Variants in CLIP2 observed in about 807,000 individuals in gnomAD.
CLIP2 encodes the protein CAP-Gly domain containing linker protein 2.
A neutral mutation model predicts 111.7 loss-of-function variants in CLIP2; 41 were observed. That is an observed-to-expected ratio of 0.37 (90% confidence interval 0.29 to 0.48). The LOEUF (loss-of-function observed/expected upper bound fraction) is 0.48, where lower values mean the gene tolerates loss of function less well. Ranked by LOEUF, CLIP2 falls within the 20% of genes least tolerant of loss-of-function variation. CLIP2 has a pLI of 0.99. For missense variants in CLIP2, 1,160 were observed against 1,422.1 expected (o/e 0.82, Z 2.96); for synonymous variants, 660 against 644.2 (o/e 1.02, Z -0.37).
At chr7:74,367,161 A>G (rs1172839387) in intron 8 of CLIP2, among the ~76,000 whole-genome samples, 1 of 152,076 alleles carries the variant, frequency 6.6e-6, no homozygotes, top group Non-Finnish European at 1.5e-5. Context: ...ATTCCAAAGA[A>G]GGTCACATTT....
intron 1 of CLIP2, among the ~76,000 whole-genome samples, chr7:74,303,137 G>T (rs1281230418): frequency 6.6e-6 from 1 of 152,198 alleles, no homozygotes; most frequent in Non-Finnish European, 1.5e-5. Context: ...CTCAGAGCCG[G>T]CAAGACTCAC....
chr7:74,312,102 C>G (rs1296235409), intron 1 of CLIP2, among the ~76,000 whole-genome samples: 1 of 151,872 alleles, frequency 6.6e-6, no homozygotes, highest in Non-Finnish European at 1.5e-5. Flanking sequence ...AAAAATTAGC[C>G]AATGTGGTGG....
chr7:74,355,321 G>A (rs1420090321), intron 4 of CLIP2, among the ~76,000 whole-genome samples: 2 of 152,038 alleles, frequency 1.3e-5, no homozygotes, highest in African/African-American at 2.4e-5. Flanking sequence ...ATCAGAAGCT[G>A]GATGGGGGCC....
rs386410474 is a variant in CLIP2, at chr7:74,332,460, C to CTTTTTT, written c.122-5973_122-5968dup. ...ATGCCTCACTGCAGCCTAGAATTCT[C>CTTTTTT]TTTTTTTTTTTTTTTTTTTTAGAGA... On this transcript the variant is annotated intron_variant, in intron 2 of 16. Transcript: ENST00000223398. Among the ~76,000 whole-genome samples the CTTTTTT allele has an allele frequency of 8.0e-3, 877 of 110,306 alleles. 43 individuals are homozygous for CTTTTTT. The highest frequency in any genetic ancestry group is 9.9e-3 in the South Asian group (32 of 3,242). The allele number at this position is 110,306 out of a possible 152,430, so 72.4% of individuals were successfully genotyped here.
intron 2 of CLIP2, among the ~76,000 whole-genome samples, chr7:74,329,390 G>A (rs1449272337): frequency 5.9e-5 from 9 of 151,974 alleles, no homozygotes; most frequent in Non-Finnish European, 1.2e-4. Flanking sequence ...AGAAGCACCC[G>A]GGTTTGAATG....
chr7:74,401,593 G>T lies in CLIP2; in HGVS notation c.3129+26G>T, dbSNP rs191004270. 6.4e-5 allele frequency: 103 copies of T among 1,609,140 alleles called. No homozygotes were observed. In the East Asian group the frequency reaches 2.2e-3, roughly 35 times the overall value. ...GTGAGGGGCGCCTCGGGCCTCCCAG[G>T]TCCCTCCCGTGCAGGCAGACCTCTC... is the stretch of plus-strand genomic sequence containing the variant. On this transcript the variant is annotated intron_variant, in intron 16 of 16. Transcript: ENST00000223398.
chr7:74,369,750 G>A (rs576056365), intron 8 of CLIP2, among the ~76,000 whole-genome samples: 96 of 113,282 alleles, frequency 8.5e-4, no homozygotes, highest in African/African-American at 2.9e-3. Flanking sequence ...CCAGCTACTC[G>A]GAAGGCTGAG....
intron 3 of CLIP2, among the ~76,000 whole-genome samples, chr7:74,351,251 C>T (rs529866178): frequency 2.0e-5 from 3 of 151,394 alleles, no homozygotes; most frequent in African/African-American, 2.4e-5. Context: ...TGCTTGAGCC[C>T]GGAAGTTTGA....
At chr7:74,380,655 C>T (rs1412932979) in intron 10 of CLIP2, 151 bp from the exon 11 acceptor site, 4 of 612,690 alleles carry the variant, frequency 6.5e-6, no homozygotes, top group African/African-American at 3.7e-5. Flanking sequence ...CGTCTGCACT[C>T]CCTGCCACCG....
At chr7:74,300,664 G>A (rs1788312059) in intron 1 of CLIP2, among the ~76,000 whole-genome samples, 1 of 151,896 alleles carries the variant, frequency 6.6e-6, no homozygotes, top group African/African-American at 2.4e-5. Flanking sequence ...CACCGTGTTA[G>A]CCAGGCTGGT....
chr7:74,347,980 G>A (rs1554306725), intron 3 of CLIP2, among the ~76,000 whole-genome samples: 1 of 151,934 alleles, frequency 6.6e-6, no homozygotes, highest in Non-Finnish European at 1.5e-5. Context: ...AGGAGTTCCA[G>A]ACCAGCCTGG....
chr7:74,327,503 C>T (rs1234556073), intron 2 of CLIP2, among the ~76,000 whole-genome samples: 1 of 152,174 alleles, frequency 6.6e-6, no homozygotes, highest in African/African-American at 2.4e-5. Context: ...GCCCCCACCC[C>T]CACAGAGGAT....
intron 1 of CLIP2, among the ~76,000 whole-genome samples, chr7:74,310,969 G>C (rs1005294074): frequency 1.4e-5 from 2 of 143,064 alleles, no homozygotes; most frequent in Admixed American, 1.5e-4. Context: ...CCTGCCTCGA[G>C]CTCCTATTTT....
Position 74,360,074 on chromosome 7 carries a change from G to GT in CLIP2, c.1216-99dup, listed in dbSNP as rs1790282283. The GT allele has an allele frequency of 3.2e-6, 3 of 943,040 alleles. No individual in the cohort carries two copies. The African/African-American group carries it at 4.9e-5, about 15-fold the overall frequency. 58.4% of individuals were successfully genotyped at this position (943,040 alleles called of 1,614,324 possible). A position where few individuals can be genotyped will look rare whatever the true frequency, so the allele number is the denominator to read the frequency against. On this transcript the variant is annotated intron_variant, in intron 6 of 16. Transcript: ENST00000223398. ...CAGCAGGGAAGTTGGGGTGACTGGGGTTCCAGGCCCTGCTCCTTGCCTGTC... is the reference window on the plus strand; with the variant it reads ...CAGCAGGGAAGTTGGGGTGACTGGGGTTTCCAGGCCCTGCTCCTTGCCTGTC...
chr7:74,357,665 C>T (rs1373392605), intron 6 of CLIP2, among the ~76,000 whole-genome samples, 188 bp downstream of exon 6: 1 of 152,056 alleles, frequency 6.6e-6, no homozygotes, highest in Non-Finnish European at 1.5e-5. Context: ...TCTTTTCTGC[C>T]TATGTATAAG....
intron 11 of CLIP2, among the ~76,000 whole-genome samples, chr7:74,383,624 A>G (rs1791004633): frequency 6.6e-6 from 1 of 152,196 alleles, no homozygotes; most frequent in African/African-American, 2.4e-5. Context: ...AAACACTTCA[A>G]TGGCATTTAG....
intron 9 of CLIP2, 62 bp from the exon 10 acceptor site, chr7:74,375,825 C>A: frequency 7.2e-7 from 1 of 1,387,018 alleles, no homozygotes; most frequent in Non-Finnish European, 9.6e-7. Flanking sequence ...CACCATTGTG[C>A]CCTCCTTACC....
Position 74,404,952 on chromosome 7 carries a change from C to T in CLIP2, c.*1104C>T, listed in dbSNP as rs1791730685. On this transcript the variant is annotated 3_prime_UTR_variant, in exon 17 of 17. Transcript: ENST00000223398. ...CCTACAGATACTGCAAACGTTCCTACAGCCTAGAGGTGCGTATACACACCC... is the reference window on the plus strand; with the variant it reads ...CCTACAGATACTGCAAACGTTCCTATAGCCTAGAGGTGCGTATACACACCC... The T allele has an allele frequency of 6.6e-6, 1 of 152,148 alleles. No homozygotes were observed. The highest frequency in any genetic ancestry group is 2.4e-5 in the African/African-American group (1 of 41,418). The allele number at this position is 152,148 out of a possible 1,614,324, so 9.4% of individuals were successfully genotyped here.
Position 74,375,945 on chromosome 7 carries a change from G to T in CLIP2, c.1544G>T (p.Arg515Leu), listed in dbSNP as rs1161514384. The change falls in exon 10 of 17, where the codon CGC (arginine) becomes CTC (leucine). Residue 515 changes from arginine to leucine, a missense_variant. By Grantham distance (102) the Arg-to-Leu change is moderately radical (BLOSUM62 -2). Coordinates refer to ENST00000223398, the MANE Select transcript of CLIP2 (RefSeq NM_003388.5). ...CAGCTGGAGGAGGAGCTCACCCTGC[G>T]CCGAGGTGAAATCGAGGAGCTCCAG... ...VLQLEEELTL[R>L]RGEIEELQQC... is the part of the protein sequence containing the mutation. 1 of 1,602,192 alleles carries T rather than the reference G, an allele frequency of 6.2e-7. No homozygotes were observed. The highest frequency in any genetic ancestry group is 1.7e-5 in the Admixed American group (1 of 58,190).
Sources: allele counts gnomAD v4.1 joint callset (sites outside exome capture counted in the v4.1 genomes callset), GRCh38; gene constraint gnomAD v4.1.1; transcripts MANE v1.5; gene names NCBI Gene and HGNC (gene_info 2026-07-23, HGNC 2026-07-21).